Variants in RERE observed in about 807,000 individuals in gnomAD.
RERE encodes the protein arginine-glutamic acid dipeptide repeats.
In RERE, 40 loss-of-function variants were observed where a neutral mutation model predicts 146.1. The ratio of observed to expected loss-of-function variants is 0.27; its 90% confidence interval spans 0.21 to 0.36. RERE has a LOEUF of 0.36. Among genes scored for constraint, RERE ranks in the 10% least tolerant of loss-of-function variants. The pLI is 1.00. For synonymous variants in RERE, 1,003 were observed against 866.0 expected (o/e 1.16, Z -2.78); for missense variants, 1,933 against 2,138.7 (o/e 0.90, Z 1.90).
At chr1:8,646,571 G>T (rs1219776234) in intron 2 of RERE, among the ~76,000 whole-genome samples, 2 of 150,948 alleles carry the variant, frequency 1.3e-5, no homozygotes, top group African/African-American at 4.9e-5. Context: ...AAAAAACAGG[G>T]TCATCATTGC....
At position 8,446,845 on chromosome 1, in the gene RERE, T is replaced by C. The variant is rs1210474576; in HGVS notation, c.1203+19080A>G. 2.6e-5 allele frequency among the ~76,000 whole-genome samples: 4 copies of C among 151,850 alleles called. No homozygotes were observed. In the East Asian group the frequency reaches 7.7e-4, roughly 29 times the overall value. Reference sequence around the variant, plus strand: ...CCCACTGCCACACCGGGCTAATTTTTTTTTTTTGTATTTTTAGTAGAGACG... The same window carrying C: ...CCCACTGCCACACCGGGCTAATTTTCTTTTTTTGTATTTTTAGTAGAGACG... On this transcript the variant is annotated intron_variant, in intron 11 of 22. Coordinates refer to ENST00000400908, the MANE Select transcript of RERE (RefSeq NM_001042681.2).
At chr1:8,642,416 AG>A (rs1647192566) in intron 2 of RERE, among the ~76,000 whole-genome samples, 1 of 152,214 alleles carries the variant, frequency 6.6e-6, no homozygotes, top group Admixed American at 6.5e-5. Flanking sequence ...ATGAAACCTA[AG>A]GAAGTTTATG....
At chr1:8,689,212 A>G (rs374987108) in intron 1 of RERE, among the ~76,000 whole-genome samples, 97 of 152,326 alleles carry the variant, frequency 6.4e-4, no homozygotes, top group African/African-American at 2.2e-3. Context: ...GAATTCTTTC[A>G]GAATGAAGGG....
At chr1:8,468,007 G>T (rs1272844663) in intron 10 of RERE, among the ~76,000 whole-genome samples, 2 of 152,158 alleles carry the variant, frequency 1.3e-5, no homozygotes, top group Non-Finnish European at 2.9e-5. Flanking sequence ...AATTTCCAGA[G>T]CATTCTCACA....
intron 7 of RERE, among the ~76,000 whole-genome samples, chr1:8,534,642 C>A (rs115076426): frequency 0.011 from 1,653 of 151,912 alleles, 17 homozygotes; most frequent in Middle Eastern, 0.037. Flanking sequence ...AGGTTATAAA[C>A]AATTAAATAA....
intron 11 of RERE, among the ~76,000 whole-genome samples, chr1:8,464,409 C>G (rs1460864485): frequency 2.0e-5 from 3 of 152,204 alleles, no homozygotes; most frequent in Non-Finnish European, 4.4e-5. Flanking sequence ...GCCACACCAC[C>G]CAGCCACCAG....
chr1:8,435,851 T>C lies in RERE; in HGVS notation c.1204-13044A>G, dbSNP rs147982846. ...ACTGAGTACACTGAAGTCCTTTCATTATTGCAGGCCCAACAAAAAGTACTG... is the reference window on the plus strand; with the variant it reads ...ACTGAGTACACTGAAGTCCTTTCATCATTGCAGGCCCAACAAAAAGTACTG... On this transcript the variant is annotated intron_variant, in intron 11 of 22. Transcript: ENST00000400908. Among the ~76,000 whole-genome samples, 291 of 152,330 alleles carry C rather than the reference T, an allele frequency of 1.9e-3. 1 individual carries two copies. The highest frequency in any genetic ancestry group is 6.6e-3 in the African/African-American group (276 of 41,580).
chr1:8,708,236 G>A (rs1043125057), intron 1 of RERE, among the ~76,000 whole-genome samples: 1 of 152,148 alleles, frequency 6.6e-6, no homozygotes, highest in Non-Finnish European at 1.5e-5. Flanking sequence ...CTGAATCATG[G>A]GGGCAGGTCT....
At position 8,403,825 on chromosome 1, in the gene RERE, C is replaced by CTTTTTTTTTTTTTTTTTTTT. The variant is rs869295197; in HGVS notation, c.1284+18882_1284+18901dup. 2.1e-4 allele frequency among the ~76,000 whole-genome samples: 15 copies of CTTTTTTTTTTTTTTTTTTTT among 70,860 alleles called. 5 individuals are homozygous for CTTTTTTTTTTTTTTTTTTTT. The highest frequency in any genetic ancestry group is 7.6e-4 in the African/African-American group (13 of 16,996). 46.5% of individuals were successfully genotyped at this position (70,860 alleles called of 152,430 possible). On this transcript the variant is annotated intron_variant, in intron 12 of 22. Transcript: ENST00000400908. ...TCTATTTTTCTTAATAAAATCTTAG[C>CTTTTTTTTTTTTTTTTTTTT]TTTTTTTTTTTTTTTTTTTTTTTGA...
intron 2 of RERE, among the ~76,000 whole-genome samples, chr1:8,653,791 G>A (rs1647769166): frequency 6.6e-6 from 1 of 151,378 alleles, no homozygotes; most frequent in South Asian, 2.1e-4. Flanking sequence ...TGGTAACTCT[G>A]AGAGATTCTT....
chr1:8,589,523 A>AT (rs1646467455), intron 4 of RERE, among the ~76,000 whole-genome samples: 1 of 152,196 alleles, frequency 6.6e-6, no homozygotes, highest in Non-Finnish European at 1.5e-5. Flanking sequence ...ATTTACTCAC[A>AT]TTTTTATTTA....
rs553217352 is a variant in RERE at position 8,709,118 on chromosome 1, C to G, written c.-144-52677G>C. On this transcript the variant is annotated intron_variant, in intron 1 of 22. Coordinates refer to ENST00000400908, the MANE Select transcript of RERE (RefSeq NM_001042681.2). ...TATTTTTTTAGTAGAGACGGCGTTT[C>G]ACCGTGTTAGCCAGGATGGTCTCGA... Among the ~76,000 whole-genome samples the G allele has an allele frequency of 2.6e-5, 4 of 151,944 alleles. No homozygotes were observed. In the East Asian group the frequency reaches 7.7e-4, roughly 29 times the overall value.
chr1:8,690,012 CA>C (rs1639175845), intron 1 of RERE, among the ~76,000 whole-genome samples: 1 of 152,182 alleles, frequency 6.6e-6, no homozygotes, highest in South Asian at 2.1e-4. Context: ...ATTTCGTTCT[CA>C]AAAAGCTCAG....
At chr1:8,516,227 GAAAAAAAAA>G (rs58064164) in intron 7 of RERE, among the ~76,000 whole-genome samples, 3 of 52,304 alleles carry the variant, frequency 5.7e-5, no homozygotes, top group African/African-American at 8.6e-5. Flanking sequence ...TCTCTCAGAG[GAAAAAAAAA>G]AAAAAAAAAA....
intron 1 of RERE, among the ~76,000 whole-genome samples, chr1:8,698,065 T>C (rs1355187169): frequency 6.6e-6 from 1 of 152,238 alleles, no homozygotes; most frequent in Non-Finnish European, 1.5e-5. Flanking sequence ...GAACGGCTAT[T>C]CCTTAGGCAG....
At chr1:8,652,988 T>C (rs571702143) in intron 2 of RERE, among the ~76,000 whole-genome samples, 1 of 152,342 alleles carries the variant, frequency 6.6e-6, no homozygotes, top group South Asian at 2.1e-4. Flanking sequence ...CACACGCCAC[T>C]GTGCCCAGAT....
At chr1:8,604,884 T>G (rs940652582) in intron 4 of RERE, among the ~76,000 whole-genome samples, 28 of 152,248 alleles carry the variant, frequency 1.8e-4, no homozygotes, top group Admixed American at 5.2e-4. Flanking sequence ...GCTAAACTTT[T>G]GTAAGGCACA....
At chr1:8,789,590 C>T (rs770996509) in intron 1 of RERE, among the ~76,000 whole-genome samples, 9 of 152,028 alleles carry the variant, frequency 5.9e-5, no homozygotes, top group African/African-American at 1.4e-4. Flanking sequence ...CTCTGGCTGA[C>T]GTGCTACCTT....
chr1:8,802,251 G>T (rs990825836), intron 1 of RERE, among the ~76,000 whole-genome samples: 1 of 152,066 alleles, frequency 6.6e-6, no homozygotes, highest in African/African-American at 2.4e-5. Context: ...CAGTCCCAAG[G>T]ACTCCCTCTC....
Sources: gnomAD v4.1 joint callset for allele counts (sites outside exome capture counted in the v4.1 genomes callset) on GRCh38, gnomAD v4.1.1 for gene constraint, MANE v1.5 for transcripts, NCBI Gene and HGNC (gene_info 2026-07-23, HGNC 2026-07-21) for gene names.